The following PDE10A variants were observed in gnomAD, a reference collection of about 807,000 sequenced individuals.
PDE10A encodes the protein cAMP and cAMP-inhibited cGMP 3',5'-cyclic phosphodiesterase 10A.
Under a neutral mutation model 97.7 loss-of-function variants are expected in PDE10A, and 39 were observed. The observed-to-expected ratio is 0.40, with a 90% CI of 0.31 to 0.52. PDE10A has a LOEUF of 0.52. Ranked by LOEUF, PDE10A falls within the 20% of genes least tolerant of loss-of-function variation. The probability of loss-of-function intolerance (pLI) is 0.56; values close to 1 mark genes in which losing one functional copy is unlikely to be tolerated. For synonymous variants in PDE10A, 371 were observed against 376.8 expected, an observed-to-expected ratio of 0.98 and a Z score of 0.18; for missense variants, 731 against 1,047.8, an observed-to-expected ratio of 0.70 and a Z score of 4.17.
At chr6:165,563,774 C>T (rs1038147836) in intron 1 of PDE10A, among the ~76,000 whole-genome samples, 1 of 151,968 alleles carries the variant, frequency 6.6e-6, no homozygotes, top group African/African-American at 2.4e-5. Context: ...ACCTGTGATC[C>T]CAGCTACTTG....
At chr6:165,907,954 G>A (rs983745849) in intron 1 of PDE10A, among the ~76,000 whole-genome samples, 3 of 152,186 alleles carry the variant, frequency 2.0e-5, no homozygotes, top group Non-Finnish European at 4.4e-5. Context: ...ACTACACCTC[G>A]AGCCTTAGGA....
chr6:165,828,231 A>G (rs974573042), intron 1 of PDE10A, among the ~76,000 whole-genome samples: 1 of 152,262 alleles, frequency 6.6e-6, no homozygotes, highest in African/African-American at 2.4e-5. Context: ...TCCTGAATAT[A>G]CTAAACACCT....
chr6:165,652,401 G>T (rs760351441), intron 1 of PDE10A, among the ~76,000 whole-genome samples: 2 of 151,400 alleles, frequency 1.3e-5, no homozygotes, highest in Non-Finnish European at 2.9e-5. Flanking sequence ...TGCCCAGGCT[G>T]ATCTAGAACT....
chr6:165,825,413 G>A (rs1252642088), intron 1 of PDE10A, among the ~76,000 whole-genome samples: 1 of 152,152 alleles, frequency 6.6e-6, no homozygotes, highest in South Asian at 2.1e-4. Context: ...ATGCTAGCAG[G>A]CCTCAAGCTG....
chr6:165,854,379 G>A (rs1780655402), intron 1 of PDE10A, among the ~76,000 whole-genome samples: 1 of 152,156 alleles, frequency 6.6e-6, no homozygotes, highest in Admixed American at 6.5e-5. Context: ...AGTGAGGCCG[G>A]AAGGAGAGAA....
intron 1 of PDE10A, among the ~76,000 whole-genome samples, chr6:165,642,001 G>A (rs1321625172): frequency 7.4e-6 from 1 of 134,810 alleles, no homozygotes; most frequent in Non-Finnish European, 1.6e-5. Flanking sequence ...GCCCATTCGG[G>A]GCGTGGAATC....
At chr6:165,644,440 G>A (rs1414138382) in intron 1 of PDE10A, among the ~76,000 whole-genome samples, 2 of 152,300 alleles carry the variant, frequency 1.3e-5, no homozygotes, top group South Asian at 2.1e-4. Flanking sequence ...AAGTGGGTGT[G>A]CCCATAGGAA....
chr6:165,921,306 A>G (rs1434659895), intron 1 of PDE10A, among the ~76,000 whole-genome samples: 1 of 152,192 alleles, frequency 6.6e-6, no homozygotes, highest in Admixed American at 6.5e-5. Context: ...AGAGAAAACA[A>G]CCTGCTCTTG....
At chr6:165,903,221 T>C (rs941225854) in intron 1 of PDE10A, among the ~76,000 whole-genome samples, 3 of 152,200 alleles carry the variant, frequency 2.0e-5, no homozygotes, top group Non-Finnish European at 4.4e-5. Flanking sequence ...TGGGAGCTCA[T>C]TGGAAAATAT....
At chr6:165,772,918 A>G (rs1320779904) in intron 1 of PDE10A, among the ~76,000 whole-genome samples, 2 of 152,250 alleles carry the variant, frequency 1.3e-5, no homozygotes, top group Non-Finnish European at 2.9e-5. Context: ...CGTAGAAATC[A>G]GTTACCAGTG....
At chr6:165,905,374 T>A (rs1383194004) in intron 1 of PDE10A, among the ~76,000 whole-genome samples, 2 of 152,170 alleles carry the variant, frequency 1.3e-5, no homozygotes, top group Non-Finnish European at 2.9e-5. Flanking sequence ...TTTACATACA[T>A]GCAATTAAAA....
At chr6:165,510,202 A>G (rs1470727778) in intron 2 of PDE10A, among the ~76,000 whole-genome samples, 1 of 152,036 alleles carries the variant, frequency 6.6e-6, no homozygotes, top group Non-Finnish European at 1.5e-5. Flanking sequence ...GTATGATGTT[A>G]GCTGTGGGTC....
chr6:165,846,100 C>T (rs991249021), intron 1 of PDE10A, among the ~76,000 whole-genome samples: 1 of 152,186 alleles, frequency 6.6e-6, no homozygotes, highest in African/African-American at 2.4e-5. Context: ...TTTGGCAATG[C>T]TTATGGGATC....
chr6:165,405,994 G>C (rs761793437), intron 13 of PDE10A, among the ~76,000 whole-genome samples: 1 of 152,008 alleles, frequency 6.6e-6, no homozygotes, highest in Non-Finnish European at 1.5e-5. Context: ...ATCTAGGAGT[G>C]ATTAATGCTT....
At chr6:165,923,408 A>T (rs1782814731) in intron 1 of PDE10A, among the ~76,000 whole-genome samples, 1 of 152,206 alleles carries the variant, frequency 6.6e-6, no homozygotes, top group Non-Finnish European at 1.5e-5. Context: ...GCAAAGTCCT[A>T]CTAGAGAGAT....
In PDE10A at chr6:165,906,999, T is replaced by C. The variant is rs185000407; in HGVS notation, c.-615+80530A>G. Among the ~76,000 whole-genome samples, 26 of 152,336 alleles carry C rather than the reference T, an allele frequency of 1.7e-4. No homozygotes were observed. The East Asian group carries it at 4.6e-3, about 27-fold the overall frequency. Reference sequence around the variant, plus strand: ...TCCTTGCTGGACAGGTCTTGTGAGGTAGGGCTCTGTCTTGGGACCTTGACC... The same window carrying C: ...TCCTTGCTGGACAGGTCTTGTGAGGCAGGGCTCTGTCTTGGGACCTTGACC... On this transcript the variant is annotated intron_variant, in intron 1 of 19. Transcript: ENST00000366882.
chr6:165,820,012 A>G (rs1779525165), intron 1 of PDE10A, among the ~76,000 whole-genome samples: 1 of 152,244 alleles, frequency 6.6e-6, no homozygotes, highest in Non-Finnish European at 1.5e-5. Flanking sequence ...AATTTTAAAA[A>G]TGAAATATAT....
chr6:165,482,191 G>T, intron 3 of PDE10A, 124 bp downstream of exon 3: 1 of 758,440 alleles, frequency 1.3e-6, no homozygotes, highest in Non-Finnish European at 2.4e-6. Context: ...GTGATACTTT[G>T]GAGAGGAAAC....
At chr6:165,632,232 T>G (rs1307776454) in intron 1 of PDE10A, among the ~76,000 whole-genome samples, 4 of 142,226 alleles carry the variant, frequency 2.8e-5, no homozygotes, top group East Asian at 2.1e-4. Flanking sequence ...AGATACTGAG[T>G]CTGAGATTAC....
Sources: allele counts gnomAD v4.1 joint callset (sites outside exome capture counted in the v4.1 genomes callset), GRCh38; gene constraint gnomAD v4.1.1; transcripts MANE v1.5; gene names NCBI Gene and HGNC (gene_info 2026-07-23, HGNC 2026-07-21).